NME1: variants seen among roughly 807,000 people sequenced by gnomAD.
NME1 encodes the protein nucleoside diphosphate kinase A.
Under a neutral mutation model 17.2 loss-of-function variants are expected in NME1, and 9 were observed. The observed-to-expected ratio is 0.52, with a 90% CI of 0.32 to 0.92. The LOEUF is 0.92. Ranked by LOEUF, NME1 falls within the 40% of genes least tolerant of loss-of-function variation. The pLI is 0.04. For synonymous variants in NME1, 72 were observed against 70.8 expected, an observed-to-expected ratio of 1.02 and a Z score of -0.09; for missense variants, 169 against 201.7, an observed-to-expected ratio of 0.84 and a Z score of 0.98.
At position 51,160,029 on chromosome 17, in the gene NME1, C is replaced by T. The variant is rs757710871; in HGVS notation, c.176C>T (p.Pro59Leu). 1.2e-6 allele frequency: 2 copies of T among 1,614,056 alleles called. No homozygotes were observed. The highest frequency in any genetic ancestry group is 1.1e-5 in the South Asian group (1 of 91,072). The change falls in exon 3 of 5, where the codon CCA becomes CTA. Residue 59 changes from proline (P) to leucine (L), a missense_variant. Pro to Leu is a moderately conservative substitution (Grantham distance 98). Transcript: ENST00000393196. ...CACTACGTTGACCTGAAGGACCGTCCATTCTTTGCCGGCCTGGTGAAATAC... is the reference window on the plus strand; with the variant it reads ...CACTACGTTGACCTGAAGGACCGTCTATTCTTTGCCGGCCTGGTGAAATAC... ...KEHYVDLKDR[P>L]FFAGLVKYMH... is the part of the protein sequence containing the mutation.
chr17:51,155,735 T>C lies in NME1; in HGVS notation c.81T>C (p.Arg27=), dbSNP rs1489963627. Residue 27 remains arginine (R), a synonymous_variant, in exon 2 of 5, where the codon CGT becomes CGC. Coordinates refer to ENST00000393196, the MANE Select transcript of NME1 (RefSeq NM_000269.3). ...QRGLVGEIIK[R]FEQKGFRLVG... ...GTCTTGTGGGAGAGATTATCAAGCG[T>C]TTTGAGCAGAAAGGATTCCGCCTTG... The C allele has an allele frequency of 1.2e-6, 2 of 1,613,950 alleles. No individual in the cohort carries two copies. Among genetic ancestry groups the C allele is most frequent in the Admixed American group, 3.3e-5 (2 of 59,990 alleles).
intron 1 of NME1, chr17:51,154,212 T>G (rs1598234039): frequency 1.5e-6 from 1 of 651,336 alleles, no homozygotes; most frequent in East Asian, 2.7e-5. Flanking sequence ...TCTTTGCTCC[T>G]ATTGACTGCT....
At chr17:51,158,450 A>T (rs1011220636) in intron 2 of NME1, among the ~76,000 whole-genome samples, 1 of 152,204 alleles carries the variant, frequency 6.6e-6, no homozygotes, top group Non-Finnish European at 1.5e-5. Flanking sequence ...AACAAACAAC[A>T]AAACCAACAA....
intron 3 of NME1, chr17:51,160,386 T>C (rs1262635846): frequency 2.3e-6 from 1 of 433,062 alleles, no homozygotes; most frequent in East Asian, 5.1e-5. Context: ...GTGAAAAACA[T>C]TTCCAGCCAA....
chr17:51,161,181 G>A lies in NME1; in HGVS notation c.250G>A (p.Val84Met). The change falls in exon 4 of 5, where the codon GTG becomes ATG. Residue 84 changes from valine to methionine, a missense_variant. Val to Met is a conservative substitution (Grantham distance 21, BLOSUM62 1). Coordinates refer to ENST00000393196, the MANE Select transcript of NME1 (RefSeq NM_000269.3). The stretch of plus-strand genomic sequence containing the variant: ...GGAGGTCTGGGAGGGGCTGAATGTG[G>A]TGAAGACGGGCCGAGTCATGCTCGG... ...VAMVWEGLNVVKTGRVMLGET... is the reference protein window; with the variant it reads ...VAMVWEGLNVMKTGRVMLGET... The A allele has an allele frequency of 6.2e-7, 1 of 1,611,942 alleles. No individual in the cohort carries two copies. Among genetic ancestry groups the A allele is most frequent in the Non-Finnish European group, 8.5e-7 (1 of 1,179,148 alleles).
At chr17:51,156,892 C>CAAAAAAA (rs71355724) in intron 2 of NME1, among the ~76,000 whole-genome samples, 1 of 86,922 alleles carries the variant, frequency 1.2e-5, no homozygotes, top group Non-Finnish European at 2.2e-5. Context: ...ACTCCATCTC[C>CAAAAAAA]AAAAAAAAAA....
intron 1 of NME1, among the ~76,000 whole-genome samples, chr17:51,155,331 T>C (rs545071872): frequency 2.6e-4 from 39 of 151,810 alleles, no homozygotes; most frequent in Non-Finnish European, 3.5e-4. Context: ...GGCAGATCAC[T>C]TGAGGACAAG....
At chr17:51,161,101 C>A in intron 3 of NME1, 59 bp from the exon 4 acceptor site, 1 of 1,528,476 alleles carries the variant, frequency 6.5e-7, no homozygotes, top group Admixed American at 1.9e-5. Flanking sequence ...TTAATAGTTG[C>A]CAGATTTTCT....
At chr17:51,158,292 T>C (rs552842305) in intron 2 of NME1, among the ~76,000 whole-genome samples, 151 of 150,428 alleles carry the variant, frequency 1.0e-3, no homozygotes, top group African/African-American at 3.5e-3. Context: ...AAAAAGATAA[T>C]TAGCCGGGTG....
chr17:51,154,048 AT>A, intron 1 of NME1: 2 of 358,642 alleles, frequency 5.6e-6, no homozygotes, highest in East Asian at 5.8e-5. Flanking sequence ...GTGGAGGGAC[AT>A]TTTTAGGGTG....
At chr17:51,161,579 G>T in intron 4 of NME1, 149 bp from the exon 5 acceptor site, 1 of 764,414 alleles carries the variant, frequency 1.3e-6, no homozygotes, top group Non-Finnish European at 2.3e-6. Flanking sequence ...TCAGCCTTAA[G>T]TGAATGGCCA....
In NME1 at chr17:51,155,788, G is replaced by T. The variant is rs1422525722; in HGVS notation, c.126+8G>T. ...GGTCTGAAATTCATGCAAGTAAGTG[G>T]ACTTCATTGTTCCCATTTTGATTCC... On this transcript the variant is annotated splice_region_variant and intron_variant, in intron 2 of 4. Transcript: ENST00000393196. The T allele has an allele frequency of 1.2e-6, 2 of 1,613,300 alleles. No individual in the cohort carries two copies. Among genetic ancestry groups the T allele is most frequent in the East Asian group, 2.2e-5 (1 of 44,846 alleles).
Position 51,160,055 on chromosome 17 carries a change from A to G in NME1, c.202A>G (p.Met68Val). ...RPFFAGLVKYMHSGPVVAMVW... is the reference protein window; with the variant it reads ...RPFFAGLVKYVHSGPVVAMVW... ...ATTCTTTGCCGGCCTGGTGAAATAC[A>G]TGCACTCAGGGCCGGTAGTTGCCAT... Residue 68 changes from methionine to valine, a missense_variant, in exon 3 of 5, where the codon ATG becomes GTG. Physicochemically the swap from Met to Val is conservative, Grantham distance 21 (BLOSUM62 1). Coordinates refer to ENST00000393196, the MANE Select transcript of NME1 (RefSeq NM_000269.3). The G allele has an allele frequency of 6.2e-7, 1 of 1,614,184 alleles. No homozygotes were observed. The highest frequency in any genetic ancestry group is 8.5e-7 in the Non-Finnish European group (1 of 1,180,024).
chr17:51,160,907 G>C (rs1230752795), intron 3 of NME1, among the ~76,000 whole-genome samples: 2 of 152,112 alleles, frequency 1.3e-5, no homozygotes, highest in Non-Finnish European at 2.9e-5. Flanking sequence ...ACTGCGCCCT[G>C]CCCACACTTG....
At chr17:51,159,504 G>T (rs2049834029) in intron 2 of NME1, among the ~76,000 whole-genome samples, 2 of 152,206 alleles carry the variant, frequency 1.3e-5, no homozygotes, top group African/African-American at 4.8e-5. Context: ...GGCTGAGGCA[G>T]GAGAATCACT....
chr17:51,161,810 T>A lies in NME1; in HGVS notation c.424T>A (p.Tyr142Asn). 1 of 1,613,838 alleles carries A rather than the reference T, an allele frequency of 6.2e-7. No homozygotes were observed. Among genetic ancestry groups the A allele is most frequent in the East Asian group, 2.2e-5 (1 of 44,878 alleles). Residue 142 changes from tyrosine to asparagine, a missense_variant, in exon 5 of 5, where the codon TAC becomes AAC. Tyr to Asn is a moderately radical substitution (Grantham distance 143, BLOSUM62 -2). Coordinates refer to ENST00000393196, the MANE Select transcript of NME1 (RefSeq NM_000269.3). ...LWFHPEELVD[Y>N]TSCAQNWIYE ...GTTTCACCCTGAGGAACTGGTAGAT[T>A]ACACGAGCTGTGCTCAGAACTGGAT...
chr17:51,155,475 T>C (rs2049772168), intron 1 of NME1, among the ~76,000 whole-genome samples, 176 bp from the exon 2 acceptor site: 2 of 152,222 alleles, frequency 1.3e-5, no homozygotes, highest in African/African-American at 2.4e-5. Context: ...CTTTCCCACA[T>C]TGACATATTA....
intron 1 of NME1, 42 bp from the exon 2 acceptor site, chr17:51,155,609 G>A: frequency 6.2e-7 from 1 of 1,611,384 alleles, no homozygotes; most frequent in Non-Finnish European, 8.5e-7. Flanking sequence ...CTGTAGGCAA[G>A]TGATTCACTG....
At chr17:51,159,183 G>A (rs966126570) in intron 2 of NME1, among the ~76,000 whole-genome samples, 5 of 152,138 alleles carry the variant, frequency 3.3e-5, no homozygotes, top group Non-Finnish European at 5.9e-5. Context: ...GCCAGGCATG[G>A]TGGGTCACGC....
Sources: allele counts gnomAD v4.1 joint callset (sites outside exome capture counted in the v4.1 genomes callset), GRCh38; gene constraint gnomAD v4.1.1; transcripts MANE v1.5; gene names NCBI Gene and HGNC (gene_info 2026-07-23, HGNC 2026-07-21).